CACNA1S: variants seen among roughly 807,000 people sequenced by gnomAD.
CACNA1S encodes calcium voltage-gated channel subunit alpha1 S.
Under a neutral mutation model 207.4 loss-of-function variants are expected in CACNA1S, and 126 were observed. That is an observed-to-expected ratio of 0.61 (90% confidence interval 0.53 to 0.70). The LOEUF (loss-of-function observed/expected upper bound fraction) is 0.70, where lower values mean the gene tolerates loss of function less well. CACNA1S is among the 30% of genes least tolerant of loss of function. CACNA1S has a pLI of 0.00. For missense variants in CACNA1S, 2,349 were observed against 2,422.8 expected, an observed-to-expected ratio of 0.97 and a Z score of 0.64; for synonymous variants, 960 against 932.7, an observed-to-expected ratio of 1.03 and a Z score of -0.53.
At chr1:201,089,983 G>T (rs891582718) in intron 5 of CACNA1S, among the ~76,000 whole-genome samples, 5 of 152,214 alleles carry the variant, frequency 3.3e-5, no homozygotes, top group Non-Finnish European at 5.9e-5. Context: ...ACTCTCCTTT[G>T]TTCCCCTGGA....
At chr1:201,084,580 C>A (rs1400958676) in intron 9 of CACNA1S, among the ~76,000 whole-genome samples, 1 of 152,214 alleles carries the variant, frequency 6.6e-6, no homozygotes, top group Non-Finnish European at 1.5e-5. Context: ...GTTTGTGCAG[C>A]CTCTGCTGTG....
chr1:201,080,732 GTTT>G (rs1002611441), intron 10 of CACNA1S, among the ~76,000 whole-genome samples: 7 of 75,870 alleles, frequency 9.2e-5, no homozygotes, highest in Admixed American at 8.5e-4. Context: ...TTGGTTTGCA[GTTT>G]TTTTTTGTTG....
chr1:201,060,794 A>G lies in CACNA1S; in HGVS notation c.3278T>C (p.Leu1093Pro). ...GTAGCACCTCAGTGGGCGGGCCTTCAGGGCATACTGTACACATTGGCGCTG... is the reference window on the plus strand; with the variant it reads ...GTAGCACCTCAGTGGGCGGGCCTTCGGGGCATACTGTACACATTGGCGCTG... ...KNQRQCVQYA[L>P]KARPLRCYIP... Residue 1093 changes from leucine (L) to proline (P), a missense_variant, in exon 26 of 44, where the codon CTG becomes CCG. Coordinates refer to ENST00000362061, the MANE Select transcript of CACNA1S (RefSeq NM_000069.3). The G allele has an allele frequency of 6.2e-7, 1 of 1,614,202 alleles. No individual in the cohort carries two copies. Among genetic ancestry groups the G allele is most frequent in the Non-Finnish European group, 8.5e-7 (1 of 1,180,038 alleles).
At chr1:201,078,813 A>C (rs11579279) in intron 10 of CACNA1S, among the ~76,000 whole-genome samples, 36,523 of 151,870 alleles carry the variant, frequency 0.24, 5,840 homozygotes, top group Non-Finnish European at 0.37. Flanking sequence ...ATGGACCCTC[A>C]CTTTGCCATT....
At chr1:201,045,743 A>G (rs2102551134) in intron 38 of CACNA1S, among the ~76,000 whole-genome samples, 1 of 146,968 alleles carries the variant, frequency 6.8e-6, no homozygotes, top group East Asian at 1.9e-4. Flanking sequence ...CCAAAAAAAA[A>G]AAAAAAAAAA....
chr1:201,049,818 T>C lies in CACNA1S; in HGVS notation c.4241+571A>G, dbSNP rs150584852. On this transcript the variant is annotated intron_variant, in intron 34 of 43. Transcript: ENST00000362061. The stretch of plus-strand genomic sequence containing the variant: ...ATAGGCACCAAACAGACCTGCACTG[T>C]ATCTTGGCACCATCTCTTACCAGTT... 4.9e-3 allele frequency among the ~76,000 whole-genome samples: 752 copies of C among 152,300 alleles called. 6 individuals are homozygous for C. Among genetic ancestry groups the C allele is most frequent in the African/African-American group, 0.017 (710 of 41,554 alleles).
chr1:201,051,204 G>T, intron 32 of CACNA1S, 61 bp from the exon 33 acceptor site: 1 of 1,576,696 alleles, frequency 6.3e-7, no homozygotes, highest in Non-Finnish European at 8.7e-7. Context: ...CAGAAGGCTG[G>T]CAGTCAGGTG....
chr1:201,073,409 G>A lies in CACNA1S; in HGVS notation c.2157+140C>T, dbSNP rs961248794. The stretch of plus-strand genomic sequence containing the variant: ...GGATTCGCTGGCTCTCCCTCCAGTC[G>A]TACGCAGGGAGATGCCCTCACCTGG... On this transcript the variant is annotated intron_variant, in intron 15 of 43. Transcript: ENST00000362061. 1.1e-4 allele frequency: 88 copies of A among 779,842 alleles called. No individual in the cohort carries two copies. The African/African-American group carries it at 1.3e-3, about 12-fold the overall frequency. The allele number at this position is 779,842 out of a possible 1,614,324, so 48.3% of individuals were successfully genotyped here. A position where few individuals can be genotyped will look rare whatever the true frequency, so the allele number is the denominator to read the frequency against.
rs1420871701 is a variant in CACNA1S, at chr1:201,068,275, T to A, written c.2550+862A>T. ...TTTTTTTTTTTTGAGATGGAGTCTC[T>A]CTCGTCACCCAGGCTGGAGTGCAGT... On this transcript the variant is annotated intron_variant, in intron 19 of 43. Transcript: ENST00000362061. Among the ~76,000 whole-genome samples, 3 of 121,332 alleles carry A rather than the reference T, an allele frequency of 2.5e-5. No homozygotes were observed. In the Admixed American group the frequency reaches 2.8e-4, roughly 11 times the overall value. The allele number at this position is 121,332 out of a possible 152,430, so 79.6% of individuals were successfully genotyped here.
intron 19 of CACNA1S, among the ~76,000 whole-genome samples, chr1:201,067,699 A>G (rs895319538): frequency 6.6e-6 from 1 of 152,106 alleles, no homozygotes; most frequent in Non-Finnish European, 1.5e-5. Flanking sequence ...CTTATAATGC[A>G]CTTGCTACTG....
chr1:201,061,279 C>T lies in CACNA1S; in HGVS notation c.3243G>A (p.Leu1081=), dbSNP rs759063720. 6.2e-7 allele frequency: 1 copy of T among 1,614,018 alleles called. No homozygotes were observed. The highest frequency in any genetic ancestry group is 8.5e-7 in the Non-Finnish European group (1 of 1,179,998). The change falls in exon 25 of 44, where the codon CTG becomes CTA. Residue 1081 remains leucine (L), a synonymous_variant. Coordinates refer to ENST00000362061, the MANE Select transcript of CACNA1S (RefSeq NM_000069.3). ...GCAGCCCAGGCACCTGGTTCTTGTC[C>T]AGCTCACAGTTCTTGTACTCAGTCT... is the stretch of plus-strand genomic sequence containing the variant. The part of the protein sequence containing the change: ...QGETEYKNCE[L]DKNQRQCVQY...
intron 39 of CACNA1S, 71 bp from the exon 40 acceptor site, chr1:201,043,602 C>T: frequency 7.2e-7 from 1 of 1,385,630 alleles, no homozygotes; most frequent in Non-Finnish European, 1.0e-6. Flanking sequence ...CACTCTGGGA[C>T]AGTGGTATTG....
chr1:201,091,588 T>C, intron 5 of CACNA1S, 52 bp downstream of exon 5: 1 of 1,602,712 alleles, frequency 6.2e-7, no homozygotes, highest in South Asian at 1.1e-5. Flanking sequence ...GGCTCCCCCT[T>C]CTGAGCCATC....
intron 31 of CACNA1S, 99 bp from the exon 32 acceptor site, chr1:201,052,747 C>T: frequency 1.0e-6 from 1 of 982,446 alleles, no homozygotes. Context: ...ACCTTCGCCC[C>T]TACTTCCCCA....
At chr1:201,100,106 G>T (rs564454805) in intron 2 of CACNA1S, among the ~76,000 whole-genome samples, 2 of 152,246 alleles carry the variant, frequency 1.3e-5, no homozygotes, top group African/African-American at 4.8e-5. Flanking sequence ...CAGAATAGCT[G>T]CAGTGATCCC....
At chr1:201,056,032 A>T (rs1660827283) in intron 28 of CACNA1S, among the ~76,000 whole-genome samples, 1 of 151,444 alleles carries the variant, frequency 6.6e-6, no homozygotes. Context: ...GTGTGGATGG[A>T]AATACACAAC....
At chr1:201,110,419 G>GCAGGGGCTCAGGGA in intron 1 of CACNA1S, 150 bp from the exon 2 acceptor site, 1 of 732,916 alleles carries the variant, frequency 1.4e-6, no homozygotes, top group Non-Finnish European at 2.4e-6. Context: ...CTCCTTCCCT[G>GCAGGGGCTCAGGGA]AGCCCCTGCA....
At chr1:201,078,767 T>C (rs1019341968) in intron 10 of CACNA1S, among the ~76,000 whole-genome samples, 2 of 152,042 alleles carry the variant, frequency 1.3e-5, no homozygotes, top group East Asian at 3.9e-4. Context: ...TCCGTGATTC[T>C]TTTTCTTTCC....
rs1248803717 is a variant in CACNA1S, at chr1:201,072,742, C to G, written c.2227+13G>C. On this transcript the variant is annotated intron_variant, in intron 16 of 43. Coordinates refer to ENST00000362061, the MANE Select transcript of CACNA1S (RefSeq NM_000069.3). ...CCAGCACCCTGCTCCAGTCCAGTCT[C>G]CAGCATCCTCACCTGGGAAGTCGGC... 2 of 1,608,844 alleles carry G rather than the reference C, an allele frequency of 1.2e-6. No homozygotes were observed. Among genetic ancestry groups the G allele is most frequent in the Non-Finnish European group, 1.7e-6 (2 of 1,175,382 alleles).
Sources: allele counts gnomAD v4.1 joint callset (sites outside exome capture counted in the v4.1 genomes callset), GRCh38; gene constraint gnomAD v4.1.1; transcripts MANE v1.5; gene names NCBI Gene and HGNC (gene_info 2026-07-23, HGNC 2026-07-21).